The following NUP205 variants were observed in gnomAD, a reference collection of about 807,000 sequenced individuals.
NUP205 encodes nucleoporin 205, also known as nuclear pore complex protein Nup205.
NUP205 carries 76 observed loss-of-function variants against 253.8 expected under a neutral mutation model. That is an observed-to-expected ratio of 0.30 (90% CI 0.25 to 0.36). The LOEUF (loss-of-function observed/expected upper bound fraction) is 0.36, where lower values mean the gene tolerates loss of function less well. NUP205 is among the 10% of genes least tolerant of loss of function. NUP205 has a pLI of 1.00. For synonymous variants in NUP205, 832 were observed against 850.1 expected, an observed-to-expected ratio of 0.98 and a Z score of 0.37; for missense variants, 2,162 against 2,425.5, an observed-to-expected ratio of 0.89 and a Z score of 2.28.
In NUP205 at chr7:135,582,747, A is replaced by G. The variant is rs886341438; in HGVS notation, c.1043-2085A>G. Among the ~76,000 whole-genome samples, 5 of 150,720 alleles carry G rather than the reference A, an allele frequency of 3.3e-5. No individual in the cohort carries two copies. The East Asian group carries it at 1.0e-3, about 31-fold the overall frequency. On this transcript the variant is annotated intron_variant, in intron 7 of 42. Coordinates refer to ENST00000285968, the MANE Select transcript of NUP205 (RefSeq NM_015135.3). ...AGTGTTGGGATTACAGGCATGAGCC[A>G]CCACACCTGGCTGATAATGCAGACT...
chr7:135,591,536 G>A lies in NUP205; in HGVS notation c.1560G>A (p.Leu520=). 6.2e-7 allele frequency: 1 copy of A among 1,613,988 alleles called. No individual in the cohort carries two copies. The highest frequency in any genetic ancestry group is 8.5e-7 in the Non-Finnish European group (1 of 1,179,894). The change falls in exon 11 of 43, where the codon TTG becomes TTA. Residue 520 remains leucine (L), a synonymous_variant. Coordinates refer to ENST00000285968, the MANE Select transcript of NUP205 (RefSeq NM_015135.3). ...CTTATTTGAAGATGCTCCAGGGATT[G>A]GCCAATGGGCCTCAGTGTGCCCACT... is the stretch of plus-strand genomic sequence containing the variant. ...YIPYLKMLQG[L]ANGPQCAHYC... is the part of the protein sequence containing the mutation.
In NUP205 at chr7:135,614,234, T is replaced by G. The variant is rs761389334; in HGVS notation, c.3271T>G (p.Leu1091Val). 1 of 1,611,542 alleles carries G rather than the reference T, an allele frequency of 6.2e-7. No individual in the cohort carries two copies. Among genetic ancestry groups the G allele is most frequent in the East Asian group, 2.2e-5 (1 of 44,762 alleles). ...MRYLRTSQDF[L>V]FSQLQYLPFS... ...GTACTTGAGAACCAGCCAGGATTTCTTATTTTCCCAGTTGCAGTATCTACC... is the reference window on the plus strand; with the variant it reads ...GTACTTGAGAACCAGCCAGGATTTCGTATTTTCCCAGTTGCAGTATCTACC... The change falls in exon 23 of 43, where the codon TTA (leucine) becomes GTA (valine). Residue 1091 changes from leucine to valine, a missense_variant. Around this residue, in one of 5 missense-constraint regions of NUP205, gnomAD observed 1,144 missense variants for 1,280.9 expected, o/e 0.89. Coordinates refer to ENST00000285968, the MANE Select transcript of NUP205 (RefSeq NM_015135.3).
At chr7:135,636,646 CATAG>C (rs1313446077) in intron 36 of NUP205, among the ~76,000 whole-genome samples, 7 of 152,118 alleles carry the variant, frequency 4.6e-5, no homozygotes, top group Non-Finnish European at 4.4e-5. Context: ...AAATGTTAAA[CATAG>C]ATAGAACTAT....
chr7:135,597,513 T>A, intron 14 of NUP205, 95 bp downstream of exon 14: 1 of 727,762 alleles, frequency 1.4e-6, no homozygotes, highest in Non-Finnish European at 2.3e-6. Context: ...TTTCCATAAT[T>A]ATCAAATTTA....
intron 2 of NUP205, 119 bp downstream of exon 2, chr7:135,571,366 T>G (rs1805993730): frequency 3.5e-6 from 2 of 573,932 alleles, no homozygotes; most frequent in South Asian, 4.6e-5. Flanking sequence ...TTATTTACTG[T>G]GCCACAGTCT....
At chr7:135,602,767 T>C in intron 17 of NUP205, 38 bp from the exon 18 acceptor site, 1 of 1,509,804 alleles carries the variant, frequency 6.6e-7, no homozygotes, top group Non-Finnish European at 9.1e-7. Flanking sequence ...GTTTTTAAGA[T>C]AAATTTAGAA....
At position 135,597,978 on chromosome 7, in the gene NUP205, T is replaced by C. The variant is rs1377048015; in HGVS notation, c.2065-20T>C. 1.9e-6 allele frequency: 3 copies of C among 1,600,126 alleles called. No homozygotes were observed. The African/African-American group carries it at 4.0e-5, about 22-fold the overall frequency. On this transcript the variant is annotated intron_variant, in intron 14 of 42. Coordinates refer to ENST00000285968, the MANE Select transcript of NUP205 (RefSeq NM_015135.3). Reference sequence around the variant, plus strand: ...GCTAATAGTTTTTATTACCAAGTTTTCTTTCTTTTTCTTTGGAAGGTTGAA... The same window carrying C: ...GCTAATAGTTTTTATTACCAAGTTTCCTTTCTTTTTCTTTGGAAGGTTGAA...
intron 35 of NUP205, among the ~76,000 whole-genome samples, chr7:135,633,325 A>T (rs1213230073): frequency 1.3e-5 from 2 of 152,096 alleles, no homozygotes; most frequent in Admixed American, 1.3e-4. Context: ...CAGTGGCATG[A>T]TCATAGCTGG....
intron 4 of NUP205, 21 bp from the exon 5 acceptor site, chr7:135,576,948 A>T (rs1370170630): frequency 1.3e-6 from 2 of 1,597,084 alleles, no homozygotes; most frequent in East Asian, 2.2e-5. Flanking sequence ...AACGTAGTTT[A>T]TTGATTTCTT....
At chr7:135,640,984 G>T (rs1794906927) in intron 38 of NUP205, among the ~76,000 whole-genome samples, 1 of 152,012 alleles carries the variant, frequency 6.6e-6, no homozygotes, top group South Asian at 2.1e-4. Flanking sequence ...GGGATCACAT[G>T]AGCCCAGAAG....
intron 13 of NUP205, 76 bp from the exon 14 acceptor site, chr7:135,597,292 C>A: frequency 9.6e-7 from 1 of 1,036,290 alleles, no homozygotes; most frequent in Non-Finnish European, 1.5e-6. Context: ...AGGTATGTGA[C>A]TATTATATTG....
intron 34 of NUP205, among the ~76,000 whole-genome samples, chr7:135,629,529 CTTTT>C (rs767221141): frequency 2.4e-5 from 3 of 127,518 alleles, no homozygotes; most frequent in Non-Finnish European, 3.3e-5. Context: ...CTCTGTCTCT[CTTTT>C]TTTTTTTTTT....
At chr7:135,617,316 T>C (rs1680235559) in intron 26 of NUP205, 69 bp downstream of exon 26, 1 of 1,388,212 alleles carries the variant, frequency 7.2e-7, no homozygotes, top group African/African-American at 1.4e-5. Context: ...CAGAAACAAA[T>C]AGAACCATAT....
At chr7:135,569,597 A>G (rs1197914291) in intron 1 of NUP205, among the ~76,000 whole-genome samples, 2 of 151,796 alleles carry the variant, frequency 1.3e-5, no homozygotes, top group Middle Eastern at 3.4e-3. Context: ...CTCAGTTTCC[A>G]TATTTATAAA....
At chr7:135,563,694 C>T (rs1378462228) in intron 1 of NUP205, among the ~76,000 whole-genome samples, 4 of 151,860 alleles carry the variant, frequency 2.6e-5, no homozygotes, top group African/African-American at 9.7e-5. Flanking sequence ...TATAGTGTCC[C>T]TTCATTTGTA....
At chr7:135,647,419 TAA>T (rs1335045016) in intron 42 of NUP205, among the ~76,000 whole-genome samples, 1 of 152,244 alleles carries the variant, frequency 6.6e-6, no homozygotes, top group Non-Finnish European at 1.5e-5. Flanking sequence ...AGTGACTTTA[TAA>T]AAGGAATTCG....
chr7:135,567,134 A>G (rs1179724745), intron 1 of NUP205, among the ~76,000 whole-genome samples: 531 of 12,370 alleles, frequency 0.043, 3 homozygotes, highest in African/African-American at 0.11. Context: ...GTGTGTATAT[A>G]TATATATATA....
rs1401990414 is a variant in NUP205, at chr7:135,607,304, G to C, written c.3128G>C (p.Gly1043Ala). 1.9e-5 allele frequency: 31 copies of C among 1,614,012 alleles called. No individual in the cohort carries two copies. The highest frequency in any genetic ancestry group is 1.3e-4 in the South Asian group (12 of 91,080). ...GCCATTCTAAACATCTTGGAGAAAG[G>C]AACGGAAGGGAGAACAGGCCCAGTG... is the stretch of plus-strand genomic sequence containing the variant. Reference protein sequence around the residue: ...LHAILNILEKGTEGRTGPVAV... With the variant: ...LHAILNILEKATEGRTGPVAV... Residue 1043 changes from glycine to alanine, a missense_variant, in exon 22 of 43, where the codon GGA becomes GCA. Coordinates refer to ENST00000285968, the MANE Select transcript of NUP205 (RefSeq NM_015135.3).
rs1229361336 is a variant in NUP205 at position 135,616,053 on chromosome 7, A to C, written c.3448A>C (p.Lys1150Gln). 1 of 1,613,584 alleles carries C rather than the reference A, an allele frequency of 6.2e-7. No individual in the cohort carries two copies. Among genetic ancestry groups the C allele is most frequent in the Non-Finnish European group, 8.5e-7 (1 of 1,179,672 alleles). ...LHLLLDDMPVKPYSDGEGGIE... is the reference protein window; with the variant it reads ...LHLLLDDMPVQPYSDGEGGIE... ...CCTCTTACTGGATGACATGCCAGTG[A>C]AACCATACTCAGGTGAGTATTAGTA... Residue 1150 changes from lysine to glutamine, a missense_variant, in exon 24 of 43, where the codon AAA (lysine) becomes CAA (glutamine). Around this residue, in one of 5 missense-constraint regions of NUP205, gnomAD observed 1,144 missense variants for 1,280.9 expected, o/e 0.89. Coordinates refer to ENST00000285968, the MANE Select transcript of NUP205 (RefSeq NM_015135.3).
Sources: gnomAD v4.1 joint callset for allele counts (sites outside exome capture counted in the v4.1 genomes callset) on GRCh38, gnomAD v4.1.1 for gene constraint, gnomAD v4.1.1 regional missense constraint, MANE v1.5 for transcripts, NCBI Gene and HGNC (gene_info 2026-07-23, HGNC 2026-07-21) for gene names.